The following PCDHGA6 variants were observed in gnomAD, a reference collection of about 807,000 sequenced individuals.
PCDHGA6 encodes the protein protocadherin gamma-A6.
A neutral mutation model predicts 60.6 loss-of-function variants in PCDHGA6; 41 were observed. The observed-to-expected ratio is 0.68, with a 90% CI of 0.53 to 0.88. PCDHGA6 has a LOEUF of 0.88. Ranked by LOEUF, PCDHGA6 falls within the 40% of genes least tolerant of loss-of-function variation. The probability of loss-of-function intolerance (pLI) is 0.00; values close to 1 mark genes in which losing one functional copy is unlikely to be tolerated. For missense variants in PCDHGA6, 1,312 were observed against 1,203.0 expected (o/e 1.09, Z -1.34); for synonymous variants, 594 against 524.4 (o/e 1.13, Z -1.81).
intron 1 of PCDHGA6, among the ~76,000 whole-genome samples, chr5:141,382,529 T>C (rs1778264328): frequency 6.6e-6 from 1 of 152,222 alleles, no homozygotes; most frequent in South Asian, 2.1e-4. Flanking sequence ...TGTCTTAAAA[T>C]GGATTTTTAA....
intron 1 of PCDHGA6, chr5:141,394,458 A>C (rs776488659): frequency 6.2e-7 from 1 of 1,614,100 alleles, no homozygotes; most frequent in Non-Finnish European, 8.5e-7. Context: ...CATGTCACTG[A>C]GCCTGTTCGT....
At position 141,487,621 on chromosome 5, in the gene PCDHGA6, A is replaced by G; in HGVS notation, c.2425-7186A>G. The G allele has an allele frequency of 6.2e-7, 1 of 1,614,164 alleles. No individual in the cohort carries two copies. On this transcript the variant is annotated intron_variant, in intron 1 of 3. Transcript: ENST00000517434. This position sits in a 1 kb window ranked among gnomAD's most constrained non-coding sequence, Gnocchi z 5.0. ...ATCTTCTCTATGGGCTAGAGGTGAG[A>G]CCTTTGCAGGCTCAACAAATGCTTG... is the stretch of plus-strand genomic sequence containing the variant.
intron 1 of PCDHGA6, chr5:141,420,357 C>A: frequency 7.3e-7 from 1 of 1,376,278 alleles, no homozygotes; most frequent in East Asian, 2.6e-5. Flanking sequence ...TTTTAAGATT[C>A]TAGATAACTT....
intron 3 of PCDHGA6, among the ~76,000 whole-genome samples, chr5:141,506,202 G>A (rs911181875): frequency 6.6e-6 from 1 of 152,184 alleles, no homozygotes; most frequent in Non-Finnish European, 1.5e-5. Context: ...TGTAATCCCA[G>A]CACTTTGGGA....
intron 1 of PCDHGA6, chr5:141,414,163 G>A (rs1455950284): frequency 5.6e-6 from 9 of 1,603,256 alleles, no homozygotes; most frequent in Non-Finnish European, 7.7e-6. Flanking sequence ...AGATGGAGGA[G>A]CATATCTTGC....
intron 1 of PCDHGA6, chr5:141,389,222 C>T (rs765730840): frequency 6.2e-7 from 1 of 1,614,072 alleles, no homozygotes; most frequent in Non-Finnish European, 8.5e-7. Flanking sequence ...TAAATGACAA[C>T]GCTCCGGTTT....
At chr5:141,422,344 C>A in intron 1 of PCDHGA6, 1 of 1,550,890 alleles carries the variant, frequency 6.4e-7, no homozygotes, top group Non-Finnish European at 8.7e-7. Flanking sequence ...TCTAAATGTG[C>A]AAGATCAAGA....
chr5:141,427,982 G>T, intron 1 of PCDHGA6: 1 of 1,596,752 alleles, frequency 6.3e-7, no homozygotes, highest in African/African-American at 1.3e-5. Flanking sequence ...CCGCGCTGGG[G>T]CCCGATGGCT....
chr5:141,503,161 T>C (rs1035413931), intron 2 of PCDHGA6, among the ~76,000 whole-genome samples: 3 of 152,054 alleles, frequency 2.0e-5, no homozygotes, highest in Admixed American at 1.3e-4. Context: ...AGTATCACAA[T>C]TGCAATTACT....
intron 1 of PCDHGA6, chr5:141,418,539 A>C (rs984639830): frequency 6.2e-7 from 1 of 1,614,034 alleles, no homozygotes; most frequent in East Asian, 2.2e-5. Flanking sequence ...GGTACTGCTC[A>C]GATAAGAATC....
intron 1 of PCDHGA6, among the ~76,000 whole-genome samples, chr5:141,438,619 TATATATATATATATATAC>T (rs1380852637): frequency 0.021 from 829 of 39,644 alleles, 15 homozygotes; most frequent in East Asian, 0.054. Context: ...TATATATATA[TATATATATATATATATAC>T]ACACACACAC....
intron 1 of PCDHGA6, chr5:141,395,553 TG>T: frequency 1.2e-5 from 1 of 84,110 alleles, no homozygotes; most frequent in Non-Finnish European, 2.1e-5. Context: ...TGTGTGTGTG[TG>T]TGTGTGTGTG....
intron 1 of PCDHGA6, chr5:141,409,571 TA>T: frequency 6.2e-7 from 1 of 1,613,932 alleles, no homozygotes; most frequent in Non-Finnish European, 8.5e-7. Flanking sequence ...CCAGACGTCC[TA>T]CGTGGTCCAC....
At chr5:141,408,373 T>C in intron 1 of PCDHGA6, 1 of 1,613,952 alleles carries the variant, frequency 6.2e-7, no homozygotes, top group Non-Finnish European at 8.5e-7. Flanking sequence ...TAGGGCTCAG[T>C]GTCCTGGATG....
intron 1 of PCDHGA6, chr5:141,388,773 G>A (rs769358867): frequency 1.9e-6 from 3 of 1,613,808 alleles, no homozygotes; most frequent in East Asian, 2.2e-5. Flanking sequence ...CTCTAACACC[G>A]GGGAAATTAC....
intron 1 of PCDHGA6, among the ~76,000 whole-genome samples, chr5:141,446,448 T>C (rs954515926): frequency 2.6e-5 from 4 of 152,028 alleles, no homozygotes; most frequent in Non-Finnish European, 5.9e-5. Context: ...ACAGTGCAGA[T>C]ATTCAGTGTG....
At chr5:141,447,725 C>G (rs1009407606) in intron 1 of PCDHGA6, among the ~76,000 whole-genome samples, 4 of 152,174 alleles carry the variant, frequency 2.6e-5, no homozygotes, top group African/African-American at 9.7e-5. Context: ...TTTTCCAAAA[C>G]TCATTGAACT....
At chr5:141,389,571 C>T (rs2091830159) in intron 1 of PCDHGA6, 2 of 1,613,136 alleles carry the variant, frequency 1.2e-6, no homozygotes, top group East Asian at 2.2e-5. Context: ...GGTGCTGTAC[C>T]CCGCGCTGGG....
intron 1 of PCDHGA6, among the ~76,000 whole-genome samples, chr5:141,433,408 A>ATCTATCTATCTATCT (rs1413347413): frequency 7.9e-6 from 1 of 127,280 alleles, no homozygotes; most frequent in African/African-American, 2.9e-5. Flanking sequence ...TCTATCTATT[A>ATCTATCTATCTATCT]CTTTCTTGTA....
Sources: allele counts gnomAD v4.1 joint callset (sites outside exome capture counted in the v4.1 genomes callset), GRCh38; gene constraint gnomAD v4.1.1; non-coding constraint Gnocchi (gnomAD v3.1); transcripts MANE v1.5; gene names NCBI Gene and HGNC (gene_info 2026-07-23, HGNC 2026-07-21).